The following UBE2E2 variants were observed in gnomAD, a reference collection of about 807,000 sequenced individuals.
UBE2E2 encodes ubiquitin-conjugating enzyme E2 E2.
In UBE2E2, 6 loss-of-function variants were observed where a neutral mutation model predicts 24.7. That is an observed-to-expected ratio of 0.24 (90% CI 0.13 to 0.48). UBE2E2 has a LOEUF of 0.48. Ranked by LOEUF, UBE2E2 falls within the 20% of genes least tolerant of loss-of-function variation. The pLI, the probability that UBE2E2 is intolerant of heterozygous loss-of-function variation, is 0.99. For missense variants in UBE2E2, 169 were observed against 245.0 expected, an observed-to-expected ratio of 0.69 and a Z score of 2.07; for synonymous variants, 104 against 83.6, an observed-to-expected ratio of 1.24 and a Z score of -1.33.
intron 3 of UBE2E2, among the ~76,000 whole-genome samples, chr3:23,472,853 G>A (rs776864428): frequency 6.6e-6 from 1 of 151,694 alleles, no homozygotes; most frequent in Admixed American, 6.6e-5. Flanking sequence ...GGGTTTTGCT[G>A]TATTGCCTAT....
intron 3 of UBE2E2, among the ~76,000 whole-genome samples, chr3:23,443,774 C>T (rs1415499024): frequency 6.6e-6 from 1 of 152,180 alleles, no homozygotes; most frequent in African/African-American, 2.4e-5. Context: ...TAATACACCC[C>T]TTTAACCACT....
intron 3 of UBE2E2, among the ~76,000 whole-genome samples, chr3:23,321,455 G>A (rs528818676): frequency 5.3e-5 from 8 of 151,778 alleles, no homozygotes; most frequent in Admixed American, 3.9e-4. Context: ...CCTGGCTGCC[G>A]CTACTACCTA....
At chr3:23,355,350 A>C (rs1695912023) in intron 3 of UBE2E2, among the ~76,000 whole-genome samples, 1 of 152,292 alleles carries the variant, frequency 6.6e-6, no homozygotes, top group South Asian at 2.1e-4. Context: ...CATTGTGCAC[A>C]TGTACCCTAA....
chr3:23,479,430 C>G (rs190089364), intron 3 of UBE2E2, among the ~76,000 whole-genome samples: 503 of 152,260 alleles, frequency 3.3e-3, no homozygotes, highest in Middle Eastern at 0.01. Context: ...ACAGCAGAGC[C>G]TCAAAAAGGA....
chr3:23,345,169 C>T (rs1000635060), intron 3 of UBE2E2, among the ~76,000 whole-genome samples: 3 of 152,174 alleles, frequency 2.0e-5, no homozygotes, highest in African/African-American at 7.2e-5. Flanking sequence ...TGTCAGTGCA[C>T]TTAAAATTGC....
chr3:23,276,209 A>G (rs1442050729), intron 3 of UBE2E2, among the ~76,000 whole-genome samples: 2 of 152,132 alleles, frequency 1.3e-5, no homozygotes, highest in Non-Finnish European at 2.9e-5. Flanking sequence ...TAACTTAGGT[A>G]CATCCTACCT....
chr3:23,551,578 A>G (rs1695645007), intron 5 of UBE2E2, among the ~76,000 whole-genome samples: 1 of 152,258 alleles, frequency 6.6e-6, no homozygotes, highest in Non-Finnish European at 1.5e-5. Context: ...GGGAAGTAAG[A>G]GAATCACAGA....
chr3:23,584,431 C>T (rs1696562327), intron 5 of UBE2E2, among the ~76,000 whole-genome samples: 1 of 152,068 alleles, frequency 6.6e-6, no homozygotes, highest in South Asian at 2.1e-4. Context: ...CCAGGGTACC[C>T]AGTGTAGCTC....
intron 3 of UBE2E2, among the ~76,000 whole-genome samples, chr3:23,371,664 A>G (rs1696402336): frequency 6.6e-6 from 1 of 152,188 alleles, no homozygotes. Flanking sequence ...AAGTTACAGT[A>G]GTATATATAA....
At chr3:23,451,747 A>G (rs1698566458) in intron 3 of UBE2E2, among the ~76,000 whole-genome samples, 1 of 152,202 alleles carries the variant, frequency 6.6e-6, no homozygotes, top group African/African-American at 2.4e-5. Context: ...AGTTATTTTT[A>G]TGAGCGAGGA....
At chr3:23,224,051 T>C (rs936236744) in intron 3 of UBE2E2, among the ~76,000 whole-genome samples, 4 of 152,162 alleles carry the variant, frequency 2.6e-5, no homozygotes, top group African/African-American at 7.2e-5. Flanking sequence ...TACTATAGCT[T>C]TGTAATAAAT....
intron 3 of UBE2E2, among the ~76,000 whole-genome samples, chr3:23,477,004 G>T (rs1699154384): frequency 6.6e-6 from 1 of 151,998 alleles, no homozygotes; most frequent in South Asian, 2.1e-4. Flanking sequence ...ATTATTTGAT[G>T]AACTAAAGAG....
intron 5 of UBE2E2, among the ~76,000 whole-genome samples, chr3:23,562,684 G>T (rs1262151651): frequency 6.6e-6 from 1 of 152,184 alleles, no homozygotes; most frequent in East Asian, 1.9e-4. Flanking sequence ...ATTCAGCTGT[G>T]AATCCATTTG....
chr3:23,211,224 G>C (rs1696313183), intron 2 of UBE2E2, among the ~76,000 whole-genome samples: 1 of 152,032 alleles, frequency 6.6e-6, no homozygotes, highest in Non-Finnish European at 1.5e-5. Flanking sequence ...AAAGTTAGAG[G>C]TAGTTTCAAA....
chr3:23,353,379 T>C (rs1359378443), intron 3 of UBE2E2, among the ~76,000 whole-genome samples: 1 of 152,006 alleles, frequency 6.6e-6, no homozygotes, highest in African/African-American at 2.4e-5. Context: ...TTGGAAGTTC[T>C]GGCCAGGGCA....
chr3:23,509,251 C>G (rs1354741287), intron 4 of UBE2E2, among the ~76,000 whole-genome samples: 2 of 152,166 alleles, frequency 1.3e-5, no homozygotes. Flanking sequence ...TTTTCCTAAC[C>G]TTACAGGAAA....
chr3:23,441,218 A>G (rs1698295253), intron 3 of UBE2E2, among the ~76,000 whole-genome samples: 3 of 152,070 alleles, frequency 2.0e-5, no homozygotes, highest in Non-Finnish European at 4.4e-5. Flanking sequence ...GTGAGCATCT[A>G]TCAAAGAATT....
In UBE2E2 at chr3:23,270,144, C is replaced by G. The variant is rs565585970; in HGVS notation, c.227+52832C>G. Reference sequence around the variant, plus strand: ...ACTGTGGTCAAGACTCTTTCCACCCCCCTCCTCCTTTTTTTTTTTTTTTTT... The same window carrying G: ...ACTGTGGTCAAGACTCTTTCCACCCGCCTCCTCCTTTTTTTTTTTTTTTTT... On this transcript the variant is annotated intron_variant, in intron 3 of 5. Transcript: ENST00000396703. Among the ~76,000 whole-genome samples the G allele has an allele frequency of 1.2e-4, 15 of 129,318 alleles. No homozygotes were observed. The South Asian group carries it at 2.0e-3, about 18-fold the overall frequency. 84.8% of individuals were successfully genotyped at this position (129,318 alleles called of 152,430 possible).
At chr3:23,322,210 A>T (rs868153693) in intron 3 of UBE2E2, among the ~76,000 whole-genome samples, 1 of 152,232 alleles carries the variant, frequency 6.6e-6, no homozygotes, top group Non-Finnish European at 1.5e-5. Flanking sequence ...TAGTGAACTT[A>T]ATAGTGCATC....
Sources: gnomAD v4.1 joint callset for allele counts (sites outside exome capture counted in the v4.1 genomes callset) on GRCh38, gnomAD v4.1.1 for gene constraint, MANE v1.5 for transcripts, NCBI Gene and HGNC (gene_info 2026-07-23, HGNC 2026-07-21) for gene names.